The following ST8SIA4 variants were observed in gnomAD, a reference collection of about 807,000 sequenced individuals.
The protein encoded by ST8SIA4 is CMP-N-acetylneuraminate-poly-alpha-2,8-sialyltransferase.
Under a neutral mutation model 33.9 loss-of-function variants are expected in ST8SIA4, and 15 were observed. The observed-to-expected ratio is 0.44, with a 90% CI of 0.30 to 0.68. The LOEUF is 0.68. Among genes scored for constraint, ST8SIA4 ranks in the 30% least tolerant of loss-of-function variants. The pLI is 0.10. For missense variants in ST8SIA4, 321 were observed against 428.0 expected, an observed-to-expected ratio of 0.75 and a Z score of 2.21; for synonymous variants, 171 against 151.2, an observed-to-expected ratio of 1.13 and a Z score of -0.96.
intron 4 of ST8SIA4, among the ~76,000 whole-genome samples, chr5:100,832,809 C>A (rs1277316200): frequency 1.3e-5 from 2 of 152,074 alleles, no homozygotes; most frequent in Non-Finnish European, 2.9e-5. Context: ...TCTAACTTTT[C>A]TACTCTATTG....
At chr5:100,878,362 A>G (rs547996938) in intron 3 of ST8SIA4, among the ~76,000 whole-genome samples, 1 of 152,080 alleles carries the variant, frequency 6.6e-6, no homozygotes, top group African/African-American at 2.4e-5. Flanking sequence ...TTTTCAGTAG[A>G]GATGGGGTTT....
At chr5:100,866,668 C>G (rs567473010) in intron 3 of ST8SIA4, among the ~76,000 whole-genome samples, 1 of 151,730 alleles carries the variant, frequency 6.6e-6, no homozygotes, top group Non-Finnish European at 1.5e-5. Flanking sequence ...ACATTTAAGC[C>G]TCATAACAAC....
chr5:100,880,503 A>G (rs1394943227), intron 3 of ST8SIA4, among the ~76,000 whole-genome samples: 1 of 152,166 alleles, frequency 6.6e-6, no homozygotes, highest in East Asian at 1.9e-4. Context: ...TGGCAGGCAC[A>G]TCGTCTGTCC....
chr5:100,849,058 A>C, intron 4 of ST8SIA4: 1 of 830,750 alleles, frequency 1.2e-6, no homozygotes, highest in East Asian at 1.2e-4. Context: ...TTAAAGAAGA[A>C]ATACTTTAGA....
chr5:100,855,301 C>A (rs535646418), intron 4 of ST8SIA4, among the ~76,000 whole-genome samples: 1 of 152,262 alleles, frequency 6.6e-6, no homozygotes, highest in South Asian at 2.1e-4. Context: ...AAATTATACA[C>A]CTCTGACAAC....
chr5:100,824,994 G>A (rs1452706566), intron 4 of ST8SIA4, among the ~76,000 whole-genome samples: 1 of 152,042 alleles, frequency 6.6e-6, no homozygotes, highest in African/African-American at 2.4e-5. Context: ...CCAGGAGTTT[G>A]GGGTTACAGT....
At chr5:100,822,560 G>A (rs13436424) in intron 4 of ST8SIA4, among the ~76,000 whole-genome samples, 43,652 of 151,998 alleles carry the variant, frequency 0.29, 6,563 homozygotes, top group Non-Finnish European at 0.33. Context: ...GAATGATAAC[G>A]TACAAATAAT....
intron 4 of ST8SIA4, among the ~76,000 whole-genome samples, chr5:100,818,531 T>A (rs1750975924): frequency 6.6e-6 from 1 of 152,188 alleles, no homozygotes; most frequent in African/African-American, 2.4e-5. Context: ...CCAAAGGGTA[T>A]GAATTTCCAT....
chr5:100,873,076 C>T (rs1752231665), intron 3 of ST8SIA4, among the ~76,000 whole-genome samples: 1 of 152,022 alleles, frequency 6.6e-6, no homozygotes, highest in African/African-American at 2.4e-5. Flanking sequence ...TAATGCTGGT[C>T]ATCCAAGACC....
intron 2 of ST8SIA4, among the ~76,000 whole-genome samples, chr5:100,894,615 T>C (rs960763698): frequency 6.6e-6 from 1 of 152,080 alleles, no homozygotes; most frequent in Non-Finnish European, 1.5e-5. Flanking sequence ...TTCAAGTAAA[T>C]TTCAACATGC....
chr5:100,815,993 T>G (rs963498080), intron 4 of ST8SIA4, among the ~76,000 whole-genome samples: 1 of 152,212 alleles, frequency 6.6e-6, no homozygotes, highest in Non-Finnish European at 1.5e-5. Context: ...TGGAACCTTC[T>G]GTGACTACTT....
chr5:100,901,955 G>A (rs1192168407), intron 1 of ST8SIA4, among the ~76,000 whole-genome samples: 1 of 152,174 alleles, frequency 6.6e-6, no homozygotes, highest in South Asian at 2.1e-4. Context: ...CTGGTGTGTA[G>A]TTTCTGATAG....
intron 4 of ST8SIA4, chr5:100,849,568 G>T: frequency 1.9e-6 from 1 of 534,522 alleles, no homozygotes; most frequent in Non-Finnish European, 2.4e-6. Flanking sequence ...GATCACCTGA[G>T]GTTGCAGTTC....
intron 3 of ST8SIA4, chr5:100,885,760 C>T (rs1015453086): frequency 2.7e-5 from 25 of 942,546 alleles, no homozygotes; most frequent in South Asian, 2.4e-4. Flanking sequence ...ATCTTTTAAC[C>T]GTTAATGAAA....
intron 4 of ST8SIA4, among the ~76,000 whole-genome samples, chr5:100,855,761 C>T (rs1168998435): frequency 6.6e-6 from 1 of 152,076 alleles, no homozygotes; most frequent in African/African-American, 2.4e-5. Flanking sequence ...TGCCCACTAG[C>T]CATTCAGCAC....
chr5:100,819,871 T>G (rs888452520), intron 4 of ST8SIA4, among the ~76,000 whole-genome samples: 1 of 152,174 alleles, frequency 6.6e-6, no homozygotes, highest in Non-Finnish European at 1.5e-5. Context: ...AATGATGGTT[T>G]TATTTTTAAC....
intron 4 of ST8SIA4, among the ~76,000 whole-genome samples, chr5:100,835,291 G>T (rs1342844425): frequency 6.6e-6 from 1 of 152,050 alleles, no homozygotes; most frequent in Non-Finnish European, 1.5e-5. Context: ...TGACAGCCAG[G>T]AATGATTCTC....
At chr5:100,819,053 A>G (rs1561383830) in intron 4 of ST8SIA4, among the ~76,000 whole-genome samples, 3 of 152,202 alleles carry the variant, frequency 2.0e-5, no homozygotes, top group Admixed American at 6.5e-5. Flanking sequence ...TTATTGTGAT[A>G]TTAATAATTT....
At chr5:100,816,388 G>A (rs1012971194) in intron 4 of ST8SIA4, 4 of 439,734 alleles carry the variant, frequency 9.1e-6, no homozygotes, top group East Asian at 7.1e-5. Flanking sequence ...ATTTAACAAC[G>A]TTGATACTAA....
Sources: allele counts gnomAD v4.1 joint callset (sites outside exome capture counted in the v4.1 genomes callset), GRCh38; gene constraint gnomAD v4.1.1; transcripts MANE v1.5; gene names NCBI Gene and HGNC (gene_info 2026-07-23, HGNC 2026-07-21).